The following PICALM variants were observed in gnomAD, a reference collection of about 807,000 sequenced individuals.
PICALM encodes the protein phosphatidylinositol-binding clathrin assembly protein.
Under a neutral mutation model 80.5 loss-of-function variants are expected in PICALM, and 40 were observed. The observed-to-expected ratio is 0.50, with a 90% CI of 0.39 to 0.65. The LOEUF (loss-of-function observed/expected upper bound fraction) is 0.65. Among genes scored for constraint, PICALM ranks in the 30% least tolerant of loss-of-function variants. The pLI, the probability that PICALM is intolerant of heterozygous loss-of-function variation, is 0.00. For missense variants in PICALM, 676 were observed against 778.9 expected, an observed-to-expected ratio of 0.87 and a Z score of 1.57; for synonymous variants, 288 against 260.3, an observed-to-expected ratio of 1.11 and a Z score of -1.02.
At chr11:85,983,052 T>A (rs568250059) in intron 14 of PICALM, among the ~76,000 whole-genome samples, 2 of 152,184 alleles carry the variant, frequency 1.3e-5, no homozygotes, top group African/African-American at 4.8e-5. Flanking sequence ...AAAAATATTA[T>A]CATAAACCTA....
intron 2 of PICALM, among the ~76,000 whole-genome samples, chr11:86,029,105 C>G (rs1247106272): frequency 6.6e-6 from 1 of 152,142 alleles, no homozygotes; most frequent in East Asian, 1.9e-4. Context: ...TCCCAAATTG[C>G]TGGGATTACA....
chr11:86,032,494 C>A (rs866494252), intron 1 of PICALM, among the ~76,000 whole-genome samples: 4 of 151,934 alleles, frequency 2.6e-5, no homozygotes, highest in African/African-American at 9.7e-5. Flanking sequence ...GGCTTGGTGG[C>A]GGGCATGGGT....
intron 2 of PICALM, among the ~76,000 whole-genome samples, chr11:86,029,397 C>T (rs561047183): frequency 2.2e-4 from 33 of 152,162 alleles, no homozygotes; most frequent in Non-Finnish European, 4.7e-4. Flanking sequence ...AGCATAAAAA[C>T]CTGAAGGTTG....
rs772116244 is a variant in PICALM at position 86,011,121 on chromosome 11, A to G, written c.674T>C (p.Met225Thr). 6.5e-6 allele frequency: 9 copies of G among 1,376,686 alleles called. No individual in the cohort carries two copies. The highest frequency in any genetic ancestry group is 3.7e-5 in the South Asian group (3 of 80,400). The allele number at this position is 1,376,686 out of a possible 1,614,324, so 85.3% of individuals were successfully genotyped here. Residue 225 changes from methionine to threonine, a missense_variant, in exon 7 of 20, where the codon ATG (methionine) becomes ACG (threonine). Met to Thr is a moderately conservative substitution (Grantham distance 81). This residue lies in a region of PICALM where 285 missense variants were observed against 395.4 expected (regional missense o/e 0.72). Transcript: ENST00000393346. ...IINLLEKYFD[M>T]KKNQCKEGLD... ...ACCTTCTTTGCATTGGTTCTTTTTC[A>G]TATCAAAATATTTTTCTGACAAAAT...
Position 86,015,015 on chromosome 11 carries a change from C to T in PICALM, c.453-52G>A, listed in dbSNP as rs553523949. 24 of 1,051,324 alleles carry T rather than the reference C, an allele frequency of 2.3e-5. No individual in the cohort carries two copies. In the East Asian group the frequency reaches 5.4e-4, roughly 24 times the overall value. 65.1% of individuals were successfully genotyped at this position (1,051,324 alleles called of 1,614,324 possible). On this transcript the variant is annotated intron_variant, in intron 4 of 19. Coordinates refer to ENST00000393346, the MANE Select transcript of PICALM (RefSeq NM_007166.4). Reference sequence around the variant, plus strand: ...ACAAATGAATCTGCAATTAAATCTACATTTCAAACTCCCCCCCTGGTTTTC... The same window carrying T: ...ACAAATGAATCTGCAATTAAATCTATATTTCAAACTCCCCCCCTGGTTTTC...
chr11:85,998,143 G>A (rs1045122639), intron 11 of PICALM, among the ~76,000 whole-genome samples: 5 of 148,332 alleles, frequency 3.4e-5, no homozygotes, highest in African/African-American at 1.2e-4. Context: ...ACAGAGTCTC[G>A]CTCCGTCGCC....
At chr11:86,045,519 C>CAAAAAAAAAAAAAAAAAAAAAA (rs71040207) in intron 1 of PICALM, among the ~76,000 whole-genome samples, 2 of 47,770 alleles carry the variant, frequency 4.2e-5, no homozygotes, top group Non-Finnish European at 8.9e-5. Context: ...TCTTGAAATT[C>CAAAAAAAAAAAAAAAAAAAAAA]AAAAAAAAAA....
chr11:85,961,918 C>G (rs1292721878), intron 19 of PICALM, among the ~76,000 whole-genome samples: 1 of 151,810 alleles, frequency 6.6e-6, no homozygotes, highest in African/African-American at 2.4e-5. Context: ...AATGAACAGC[C>G]AATGAGCTTC....
At chr11:85,996,040 C>A (rs1357519876) in intron 12 of PICALM, among the ~76,000 whole-genome samples, 1 of 152,096 alleles carries the variant, frequency 6.6e-6, no homozygotes, top group East Asian at 1.9e-4. Flanking sequence ...CAAACATTTA[C>A]AAACTACTTG....
At chr11:86,017,848 C>T (rs937022213) in intron 4 of PICALM, among the ~76,000 whole-genome samples, 7 of 152,146 alleles carry the variant, frequency 4.6e-5, no homozygotes, top group African/African-American at 1.7e-4. Context: ...AAGATATAAA[C>T]TATAAAAGGC....
rs763024546 is a variant in PICALM at position 85,990,307 on chromosome 11, T to C, written c.1351A>G (p.Ile451Val). 6 of 1,607,004 alleles carry C rather than the reference T, an allele frequency of 3.7e-6. No individual in the cohort carries two copies. Among genetic ancestry groups the C allele is most frequent in the Non-Finnish European group, 5.1e-6 (6 of 1,174,196 alleles). ...TKSSGDVHLS[I>V]SSDVSTFTTR... ...GTAAAAGTAGATACATCTGAAGAAA[T>C]GGAAAGGTGAACATCACCACTACTT... The change falls in exon 13 of 20, where the codon ATT (isoleucine) becomes GTT (valine). Residue 451 changes from isoleucine (I) to valine (V), a missense_variant. Around this residue, in one of 2 missense-constraint regions of PICALM, gnomAD observed 391 missense variants for 383.6 expected, o/e 1.02. Transcript: ENST00000393346.
intron 1 of PICALM, among the ~76,000 whole-genome samples, chr11:86,035,999 T>C (rs2095837799): frequency 6.8e-6 from 1 of 148,068 alleles, no homozygotes; most frequent in South Asian, 2.2e-4. Context: ...AAAATTAATA[T>C]GGAAGGCAAG....
intron 13 of PICALM, among the ~76,000 whole-genome samples, chr11:85,987,177 T>A (rs1456246285): frequency 6.6e-6 from 1 of 152,242 alleles, no homozygotes; most frequent in Non-Finnish European, 1.5e-5. Context: ...AAGGGCTTTA[T>A]AAACAGGGTA....
chr11:86,005,377 C>G (rs1375934854), intron 8 of PICALM, among the ~76,000 whole-genome samples: 1 of 152,088 alleles, frequency 6.6e-6, no homozygotes, highest in Admixed American at 6.6e-5. Flanking sequence ...ATATATCTGG[C>G]TATTTTTCAA....
At chr11:85,973,673 G>GACT (rs1378062347) in intron 19 of PICALM, among the ~76,000 whole-genome samples, 1 of 152,126 alleles carries the variant, frequency 6.6e-6, no homozygotes, top group Non-Finnish European at 1.5e-5. Flanking sequence ...CGTGCACAGA[G>GACT]ACTAGATTCA....
chr11:86,068,521 G>T, intron 1 of PICALM, 130 bp downstream of exon 1: 1 of 822,370 alleles, frequency 1.2e-6, no homozygotes, highest in Non-Finnish European at 1.9e-6. Context: ...ACGGGCACAG[G>T]ACCGGCCGTG....
chr11:86,021,883 T>C (rs939139651), intron 4 of PICALM, among the ~76,000 whole-genome samples: 4 of 152,202 alleles, frequency 2.6e-5, no homozygotes, highest in African/African-American at 4.8e-5. Context: ...TGAAATAACA[T>C]GGATGCTATA....
intron 1 of PICALM, among the ~76,000 whole-genome samples, chr11:86,039,708 T>C (rs191181207): frequency 5.3e-5 from 8 of 152,178 alleles, no homozygotes; most frequent in African/African-American, 1.2e-4. Context: ...TACCACATAA[T>C]TGCAAAATTG....
intron 12 of PICALM, among the ~76,000 whole-genome samples, chr11:85,995,390 G>A (rs1372616467): frequency 6.6e-6 from 1 of 152,148 alleles, no homozygotes; most frequent in Non-Finnish European, 1.5e-5. Flanking sequence ...TCTTATAACA[G>A]GACATAGAAC....
Sources: gnomAD v4.1 joint callset for allele counts (sites outside exome capture counted in the v4.1 genomes callset) on GRCh38, gnomAD v4.1.1 for gene constraint, gnomAD v4.1.1 regional missense constraint, MANE v1.5 for transcripts, NCBI Gene and HGNC (gene_info 2026-07-23, HGNC 2026-07-21) for gene names.